Variants in COL9A1 observed in about 807,000 individuals in gnomAD.
COL9A1 encodes collagen alpha-1(IX) chain.
COL9A1 carries 104 observed loss-of-function variants against 142.6 expected under a neutral mutation model. That is an observed-to-expected ratio of 0.73 (90% CI 0.62 to 0.86). COL9A1 has a LOEUF of 0.86. COL9A1 is among the 40% of genes least tolerant of loss of function. The pLI, the probability that COL9A1 is intolerant of heterozygous loss-of-function variation, is 0.00. For missense variants in COL9A1, 1,210 were observed against 1,176.6 expected (o/e 1.03, Z -0.42); for synonymous variants, 466 against 396.0 (o/e 1.18, Z -2.10).
intron 25 of COL9A1, 22 bp downstream of exon 25, chr6:70,254,454 A>T: frequency 6.2e-7 from 1 of 1,611,926 alleles, no homozygotes; most frequent in Non-Finnish European, 8.5e-7. Flanking sequence ...ACCAATTAAC[A>T]TGTAAAGAAT....
chr6:70,291,013 C>G (rs1481815454), intron 5 of COL9A1, among the ~76,000 whole-genome samples: 10 of 152,124 alleles, frequency 6.6e-5, no homozygotes, highest in Non-Finnish European at 1.5e-5. Context: ...GTCCATATCA[C>G]TACCCATCAC....
chr6:70,236,407 A>G (rs1023034), intron 33 of COL9A1, among the ~76,000 whole-genome samples: 22,396 of 152,206 alleles, frequency 0.15, 2,020 homozygotes, highest in Non-Finnish European at 0.21. Context: ...AATAGCTCCA[A>G]TGTACTGCTG....
chr6:70,282,623 T>A (rs73745361), intron 7 of COL9A1, among the ~76,000 whole-genome samples: 2,014 of 152,174 alleles, frequency 0.013, 33 homozygotes, highest in African/African-American at 0.045. Flanking sequence ...AGGCTAAGAA[T>A]TAAACCTCGG....
chr6:70,238,378 G>A (rs2127562531), intron 33 of COL9A1, among the ~76,000 whole-genome samples: 1 of 152,272 alleles, frequency 6.6e-6, no homozygotes, highest in Non-Finnish European at 1.5e-5. Flanking sequence ...TTCCTACTAA[G>A]TGATTCTATA....
chr6:70,220,966 T>C lies in COL9A1; in HGVS notation c.2582-3885A>G, dbSNP rs181043242. 1.4e-3 allele frequency among the ~76,000 whole-genome samples: 219 copies of C among 152,330 alleles called. 1 individual carries two copies. Among genetic ancestry groups the C allele is most frequent in the Non-Finnish European group, 2.3e-3 (154 of 68,028 alleles). ...AAGAAATGATAAATGTTTGAGATGATGGATATACTAATTACCCTAATCTGG... is the reference window on the plus strand; with the variant it reads ...AAGAAATGATAAATGTTTGAGATGACGGATATACTAATTACCCTAATCTGG... On this transcript the variant is annotated intron_variant, in intron 37 of 37. Transcript: ENST00000357250.
chr6:70,296,945 T>C (rs1423377949), intron 4 of COL9A1, among the ~76,000 whole-genome samples: 1 of 152,126 alleles, frequency 6.6e-6, no homozygotes, highest in African/African-American at 2.4e-5. Flanking sequence ...TTTCCAGGCT[T>C]CAACTATAGA....
intron 12 of COL9A1, among the ~76,000 whole-genome samples, chr6:70,272,478 C>T (rs553734827): frequency 5.5e-4 from 83 of 152,042 alleles, no homozygotes; most frequent in Non-Finnish European, 1.0e-3. Flanking sequence ...TAAAAGCATT[C>T]TAGTTTTACA....
chr6:70,232,301 G>C (rs1019218150), intron 36 of COL9A1, among the ~76,000 whole-genome samples: 3 of 152,154 alleles, frequency 2.0e-5, no homozygotes, highest in Admixed American at 6.5e-5. Context: ...CATTATCTTT[G>C]TTTTGAACCA....
intron 4 of COL9A1, among the ~76,000 whole-genome samples, chr6:70,295,079 C>G (rs971064034): frequency 3.3e-5 from 5 of 152,066 alleles, no homozygotes; most frequent in Non-Finnish European, 7.4e-5. Flanking sequence ...CTTGGGTATT[C>G]CACTCCACAA....
At chr6:70,299,753 A>G (rs1477768962) in intron 4 of COL9A1, among the ~76,000 whole-genome samples, 2 of 152,152 alleles carry the variant, frequency 1.3e-5, no homozygotes, top group African/African-American at 4.8e-5. Context: ...TTCAGTCAAA[A>G]CCAGACAAAT....
In COL9A1 at chr6:70,270,003, A is replaced by G. The variant is rs754669779; in HGVS notation, c.1197+311T>C. On this transcript the variant is annotated intron_variant, in intron 15 of 37. Coordinates refer to ENST00000357250, the MANE Select transcript of COL9A1 (RefSeq NM_001851.6). Reference sequence around the variant, plus strand: ...TTTTTCTTACTATGAAAACCTTTGTAAAAACTAGTTCATTTGAAAATGCTT... The same window carrying G: ...TTTTTCTTACTATGAAAACCTTTGTGAAAACTAGTTCATTTGAAAATGCTT... Among the ~76,000 whole-genome samples the G allele has an allele frequency of 5.4e-4, 83 of 152,364 alleles. 1 individual carries two copies. The highest frequency in any genetic ancestry group is 6.8e-3 in the Middle Eastern group (2 of 294).
intron 20 of COL9A1, chr6:70,258,641 C>T (rs990637108): frequency 2.0e-5 from 3 of 150,980 alleles, no homozygotes; most frequent in Non-Finnish European, 4.4e-5. Context: ...GCATTATAGA[C>T]GTGGCTTTGA....
At chr6:70,281,541 C>T in intron 7 of COL9A1, 77 bp from the exon 8 acceptor site, 2 of 1,163,744 alleles carry the variant, frequency 1.7e-6, no homozygotes, top group Non-Finnish European at 2.4e-6. Flanking sequence ...CCCTGAAGCC[C>T]CCGCCTCCGT....
intron 5 of COL9A1, among the ~76,000 whole-genome samples, chr6:70,288,157 T>C (rs1291382343): frequency 1.3e-5 from 2 of 152,204 alleles, no homozygotes; most frequent in African/African-American, 2.4e-5. Flanking sequence ...TGACACCTGC[T>C]CTTCCCACAG....
intron 35 of COL9A1, 112 bp downstream of exon 35, chr6:70,234,427 C>A (rs530798079): frequency 1.8e-6 from 2 of 1,101,562 alleles, no homozygotes; most frequent in African/African-American, 3.1e-5. Context: ...AATGTCCTAT[C>A]TTTAAGGCAC....
At chr6:70,275,127 C>A (rs1489778417) in intron 10 of COL9A1, 5 of 272,754 alleles carry the variant, frequency 1.8e-5, no homozygotes, top group Non-Finnish European at 3.5e-5. Flanking sequence ...TTGGTTCTGC[C>A]ATTTACTCAG....
intron 37 of COL9A1, among the ~76,000 whole-genome samples, chr6:70,218,889 T>C (rs1768700015): frequency 6.6e-6 from 1 of 152,238 alleles, no homozygotes; most frequent in Non-Finnish European, 1.5e-5. Flanking sequence ...ATAATTATCT[T>C]TGAATTTATC....
intron 36 of COL9A1, among the ~76,000 whole-genome samples, chr6:70,230,984 C>G (rs1769503362): frequency 6.6e-6 from 1 of 152,164 alleles, no homozygotes; most frequent in African/African-American, 2.4e-5. Flanking sequence ...GCTGTGATGT[C>G]TATAGGCCCT....
intron 10 of COL9A1, chr6:70,275,210 T>C (rs1161660231): frequency 6.1e-6 from 1 of 165,064 alleles, no homozygotes; most frequent in African/African-American, 2.4e-5. Flanking sequence ...ATAATCTCTT[T>C]CTACATGACA....
Sources: gnomAD v4.1 joint callset for allele counts (sites outside exome capture counted in the v4.1 genomes callset) on GRCh38, gnomAD v4.1.1 for gene constraint, MANE v1.5 for transcripts, NCBI Gene and HGNC (gene_info 2026-07-23, HGNC 2026-07-21) for gene names.